Variants in GALNT13 observed in about 807,000 individuals in gnomAD.
The protein encoded by GALNT13 is polypeptide N-acetylgalactosaminyltransferase 13.
GALNT13 carries 28 observed loss-of-function variants against 64.2 expected under a neutral mutation model. The ratio of observed to expected loss-of-function variants is 0.44; its 90% CI spans 0.32 to 0.60. GALNT13 has a LOEUF of 0.60. Ranked by LOEUF, GALNT13 falls within the 20% of genes least tolerant of loss-of-function variation. The probability of loss-of-function intolerance (pLI) is 0.05; values close to 1 mark genes in which losing one functional copy is unlikely to be tolerated. For synonymous variants in GALNT13, 214 were observed against 224.6 expected (o/e 0.95, Z 0.42); for missense variants, 577 against 669.8 (o/e 0.86, Z 1.53).
the GALNT13 span, among the ~76,000 whole-genome samples, chr2:153,194,323 T>C: frequency 6.6e-6 from 1 of 152,318 alleles, no homozygotes; most frequent in East Asian, 1.9e-4. Flanking sequence ...TGTTTTATTT[T>C]GAAAGACCTG....
intron 3 of GALNT13, among the ~76,000 whole-genome samples, chr2:154,013,501 A>C (rs1696786042): frequency 6.6e-6 from 1 of 152,046 alleles, no homozygotes; most frequent in Non-Finnish European, 1.5e-5. Context: ...CTTGCAGTGG[A>C]GTGCTTTTGT....
the GALNT13 span, among the ~76,000 whole-genome samples, chr2:153,764,037 T>A: frequency 1.3e-5 from 2 of 152,168 alleles, no homozygotes; most frequent in African/African-American, 4.8e-5. Flanking sequence ...ACCAAAATGC[T>A]GATAGTGATA....
chr2:153,290,571 C>A, the GALNT13 span, among the ~76,000 whole-genome samples: 2 of 152,150 alleles, frequency 1.3e-5, no homozygotes, highest in African/African-American at 4.8e-5. Flanking sequence ...ATCCAATGAA[C>A]AATACCAATC....
chr2:154,208,999 G>A (rs762563726), intron 4 of GALNT13, among the ~76,000 whole-genome samples: 6 of 151,942 alleles, frequency 3.9e-5, no homozygotes, highest in Non-Finnish European at 7.4e-5. Flanking sequence ...TACAATTTCT[G>A]TATGGCTTTA....
the GALNT13 span, among the ~76,000 whole-genome samples, chr2:153,567,750 A>G: frequency 6.6e-6 from 1 of 152,118 alleles, no homozygotes; most frequent in Non-Finnish European, 1.5e-5. Context: ...GGAAAATGCA[A>G]GAGATGGTTA....
At chr2:153,315,970 C>T in the GALNT13 span, among the ~76,000 whole-genome samples, 4 of 151,760 alleles carry the variant, frequency 2.6e-5, no homozygotes, top group Non-Finnish European at 5.9e-5. Context: ...AAAAAAGAAT[C>T]CAATTTTTAA....
At chr2:153,884,874 C>T (rs1687058931) in intron 1 of GALNT13, among the ~76,000 whole-genome samples, 1 of 145,204 alleles carries the variant, frequency 6.9e-6, no homozygotes, top group Non-Finnish European at 1.5e-5. Flanking sequence ...CACACACACA[C>T]ACACACACAC....
At chr2:154,049,988 T>C (rs866271944) in intron 3 of GALNT13, among the ~76,000 whole-genome samples, 1 of 152,152 alleles carries the variant, frequency 6.6e-6, no homozygotes. Flanking sequence ...TTGTATTAAA[T>C]GTTTATTATA....
chr2:153,661,768 A>G, the GALNT13 span, among the ~76,000 whole-genome samples: 186 of 152,310 alleles, frequency 1.2e-3, 6 homozygotes, highest in East Asian at 0.033. Context: ...GTATATATAG[A>G]TTGAATTTAT....
chr2:154,081,832 A>T lies in GALNT13; in HGVS notation c.143-58505A>T, dbSNP rs536235515. Among the ~76,000 whole-genome samples, 53 of 151,894 alleles carry T rather than the reference A, an allele frequency of 3.5e-4. 1 individual carries two copies. The highest frequency in any genetic ancestry group is 3.4e-3 in the Middle Eastern group (1 of 294). On this transcript the variant is annotated intron_variant, in intron 3 of 12. Transcript: ENST00000392825. The stretch of plus-strand genomic sequence containing the variant: ...TTGAAGTAGCCTCAATCTTTAATGG[A>T]CATTTGTGGTGAAACCACAATAAAA...
At chr2:153,825,632 G>GTGTT in the GALNT13 span, among the ~76,000 whole-genome samples, 1 of 151,316 alleles carries the variant, frequency 6.6e-6, no homozygotes, top group Non-Finnish European at 1.5e-5. Context: ...GTGTGTGTGT[G>GTGTT]TGTGTGTGTG....
the GALNT13 span, among the ~76,000 whole-genome samples, chr2:153,316,234 C>T: frequency 6.6e-6 from 1 of 152,116 alleles, no homozygotes; most frequent in East Asian, 1.9e-4. Flanking sequence ...AATGGTATAA[C>T]CAATTTAAAA....
At chr2:153,186,405 C>T in the GALNT13 span, among the ~76,000 whole-genome samples, 3 of 152,014 alleles carry the variant, frequency 2.0e-5, no homozygotes, top group African/African-American at 7.3e-5. Context: ...AGCTCTTTAG[C>T]CAGCTTGACA....
intron 3 of GALNT13, among the ~76,000 whole-genome samples, chr2:154,022,998 G>C (rs892874396): frequency 6.6e-6 from 1 of 152,182 alleles, no homozygotes; most frequent in Admixed American, 6.5e-5. Flanking sequence ...CTATGTAGTT[G>C]AGCGGTTTTG....
the GALNT13 span, among the ~76,000 whole-genome samples, chr2:153,409,313 AATATGTATATATTCATATGT>A: frequency 1.9e-3 from 264 of 140,112 alleles, no homozygotes; most frequent in East Asian, 9.3e-3. Flanking sequence ...TATATATATG[AATATGTATATATTCATATGT>A]ATATGTATAT....
At chr2:154,329,737 G>T (rs924084232) in intron 9 of GALNT13, among the ~76,000 whole-genome samples, 1 of 151,908 alleles carries the variant, frequency 6.6e-6, no homozygotes, top group Non-Finnish European at 1.5e-5. Context: ...TCCTAGGGGA[G>T]GGGTGTGAGT....
the GALNT13 span, among the ~76,000 whole-genome samples, chr2:153,526,781 C>T: frequency 6.6e-6 from 1 of 151,918 alleles, no homozygotes; most frequent in African/African-American, 2.4e-5. Context: ...TTTGAGAAAA[C>T]TCAAATTCAA....
the GALNT13 span, among the ~76,000 whole-genome samples, chr2:153,586,684 C>T: frequency 6.6e-6 from 1 of 152,132 alleles, no homozygotes; most frequent in African/African-American, 2.4e-5. Context: ...CCAAATGGGC[C>T]TTACAGATAT....
chr2:153,932,784 C>T lies in GALNT13; in HGVS notation c.-104-11610C>T, dbSNP rs1054672473. On this transcript the variant is annotated intron_variant, in intron 2 of 12. Transcript: ENST00000392825. The stretch of plus-strand genomic sequence containing the variant: ...CTGGGATTACAGGGGCCTGCCACCA[C>T]GCCTGGCTAATTTTTGTATTTTTAG... 5.3e-5 allele frequency among the ~76,000 whole-genome samples: 8 copies of T among 151,850 alleles called. No homozygotes were observed. The South Asian group carries it at 8.3e-4, about 16-fold the overall frequency.
Sources: allele counts gnomAD v4.1 joint callset (sites outside exome capture counted in the v4.1 genomes callset), GRCh38; gene constraint gnomAD v4.1.1; transcripts MANE v1.5; gene names NCBI Gene and HGNC (gene_info 2026-07-23, HGNC 2026-07-21).